The following NT5DC1 variants were observed in gnomAD, a reference collection of about 807,000 sequenced individuals.
NT5DC1 encodes the protein 5'-nucleotidase domain containing 1, also known as 5'-nucleotidase domain-containing protein 1.
NT5DC1 carries 42 observed loss-of-function variants against 59.4 expected under a neutral mutation model. The ratio of observed to expected loss-of-function variants is 0.71; its 90% confidence interval spans 0.55 to 0.92. NT5DC1 has a LOEUF of 0.92. Ranked by LOEUF, NT5DC1 falls within the 40% of genes least tolerant of loss-of-function variation. The pLI, the probability that NT5DC1 is intolerant of heterozygous loss-of-function variation, is 0.00. For missense variants in NT5DC1, 501 were observed against 537.1 expected, an observed-to-expected ratio of 0.93 and a Z score of 0.66; for synonymous variants, 172 against 188.1, an observed-to-expected ratio of 0.91 and a Z score of 0.70.
chr6:116,111,535 A>G (rs945378244), intron 4 of NT5DC1, among the ~76,000 whole-genome samples: 9 of 152,250 alleles, frequency 5.9e-5, no homozygotes, highest in Non-Finnish European at 1.0e-4. Context: ...AAATGTTTTT[A>G]TAAATAGACC....
chr6:116,145,195 TCAACAGAGGACAA>T (rs1412187523), intron 6 of NT5DC1, among the ~76,000 whole-genome samples: 1 of 152,116 alleles, frequency 6.6e-6, no homozygotes, highest in Non-Finnish European at 1.5e-5. Context: ...ACAGTTGTCC[TCAACAGAGGACAA>T]CTGATAACAG....
intron 6 of NT5DC1, among the ~76,000 whole-genome samples, chr6:116,192,294 TGAG>T (rs1781137819): frequency 6.6e-6 from 1 of 152,008 alleles, no homozygotes; most frequent in African/African-American, 2.4e-5. Context: ...TAATACATAG[TGAG>T]GAGCTCTCAA....
chr6:116,192,662 T>C (rs1426546426), intron 6 of NT5DC1, among the ~76,000 whole-genome samples: 1 of 152,096 alleles, frequency 6.6e-6, no homozygotes, highest in Non-Finnish European at 1.5e-5. Flanking sequence ...TTCAAAACTT[T>C]GTAACTGAAT....
rs1229055946 is a variant in NT5DC1, at chr6:116,108,395, G to A, written c.217G>A (p.Gly73Arg). ...CKGLALDLED[G>R]NFLKLANNGT... Reference sequence around the variant, plus strand: ...AGGTTTGGCATTGGATCTAGAAGATGGGAACTTCCTTAAACTTGCAAATAA... The same window carrying A: ...AGGTTTGGCATTGGATCTAGAAGATAGGAACTTCCTTAAACTTGCAAATAA... The change falls in exon 3 of 12, where the codon GGG becomes AGG. Residue 73 changes from glycine to arginine, a missense_variant. Physicochemically the swap from Gly to Arg is moderately radical, Grantham distance 125 (BLOSUM62 -2). Transcript: ENST00000319550. 1 of 1,610,328 alleles carries A rather than the reference G, an allele frequency of 6.2e-7. No individual in the cohort carries two copies. The highest frequency in any genetic ancestry group is 8.5e-7 in the Non-Finnish European group (1 of 1,176,754).
chr6:116,240,881 C>T (rs896406437), intron 11 of NT5DC1, among the ~76,000 whole-genome samples: 10 of 152,096 alleles, frequency 6.6e-5, no homozygotes, highest in South Asian at 2.1e-4. Context: ...TGGTGGCTCA[C>T]GCCTGTAATC....
intron 6 of NT5DC1, among the ~76,000 whole-genome samples, chr6:116,164,238 T>C (rs1033459701): frequency 6.6e-6 from 1 of 152,182 alleles, no homozygotes; most frequent in African/African-American, 2.4e-5. Context: ...TTCTTAGGTG[T>C]AGTAGTACTT....
rs150717921 is a variant in NT5DC1 at position 116,143,992 on chromosome 6, TAGAA to T, written c.529+26051_529+26054del. ...CCTTTTTATAACTTGAGAAAAAACT[TAGAA>T]AGATTAGGAGCTTTATCATTATGAT... On this transcript the variant is annotated intron_variant, in intron 6 of 11. Transcript: ENST00000319550. 3.9e-3 allele frequency among the ~76,000 whole-genome samples: 594 copies of T among 152,312 alleles called. 3 individuals carry two copies. Among genetic ancestry groups the T allele is most frequent in the Admixed American group, 6.3e-3 (97 of 15,300 alleles).
chr6:116,108,967 A>G (rs1319724419), intron 3 of NT5DC1, among the ~76,000 whole-genome samples: 1 of 152,004 alleles, frequency 6.6e-6, no homozygotes, highest in Non-Finnish European at 1.5e-5. Flanking sequence ...TCCTCCTCCC[A>G]CACTCCAGGC....
At chr6:116,159,968 GTAT>G (rs1372359248) in intron 6 of NT5DC1, among the ~76,000 whole-genome samples, 2 of 152,152 alleles carry the variant, frequency 1.3e-5, no homozygotes, top group African/African-American at 4.8e-5. Context: ...TGGCCGTGTA[GTAT>G]TCCACAGTGT....
chr6:116,220,906 A>C, intron 6 of NT5DC1, 148 bp from the exon 7 acceptor site: 1 of 510,096 alleles, frequency 2.0e-6, no homozygotes, highest in African/African-American at 1.9e-5. Context: ...AAAAGCAAGT[A>C]GTATTGGCAT....
Position 116,244,646 on chromosome 6 carries a change from A to G in NT5DC1, c.*622A>G, listed in dbSNP as rs1162815456. On this transcript the variant is annotated 3_prime_UTR_variant, in exon 12 of 12. Coordinates refer to ENST00000319550, the MANE Select transcript of NT5DC1 (RefSeq NM_152729.3). ...CAACTGATCTATACCAGTTCTTTCA[A>G]TTAATAGTCAAGAACATTGAGTCCA... is the stretch of plus-strand genomic sequence containing the variant. The G allele has an allele frequency of 1.3e-5, 2 of 152,252 alleles. No homozygotes were observed. The highest frequency in any genetic ancestry group is 2.4e-5 in the African/African-American group (1 of 41,474). 9.4% of individuals were successfully genotyped at this position (152,252 alleles called of 1,614,324 possible).
intron 6 of NT5DC1, among the ~76,000 whole-genome samples, chr6:116,157,906 A>G (rs1054538942): frequency 7.9e-5 from 12 of 152,222 alleles, no homozygotes; most frequent in Non-Finnish European, 2.9e-5. Flanking sequence ...ATTGAAGTAC[A>G]GAAATAAAAT....
At chr6:116,190,633 C>T (rs561402513) in intron 6 of NT5DC1, among the ~76,000 whole-genome samples, 27 of 152,102 alleles carry the variant, frequency 1.8e-4, no homozygotes, top group African/African-American at 6.0e-4. Context: ...TCTACTTTTA[C>T]ACAACTCTGC....
chr6:116,120,232 G>A, intron 6 of NT5DC1: 1 of 1,614,162 alleles, frequency 6.2e-7, no homozygotes, highest in Non-Finnish European at 8.5e-7. Flanking sequence ...AGCCTTTGGT[G>A]TATTCATCAT....
chr6:116,151,530 G>A (rs1330552730), intron 6 of NT5DC1, among the ~76,000 whole-genome samples: 2 of 152,030 alleles, frequency 1.3e-5, no homozygotes, highest in Non-Finnish European at 2.9e-5. Flanking sequence ...GTTTAAATTC[G>A]TTAATATAAG....
In NT5DC1 at chr6:116,101,029, T is replaced by G; in HGVS notation, c.93+6T>G. The G allele has an allele frequency of 6.3e-7, 1 of 1,580,348 alleles. No homozygotes were observed. The highest frequency in any genetic ancestry group is 8.6e-7 in the Non-Finnish European group (1 of 1,162,478). ...ACCTGCCCGAGAGCGCCCCGGTGAG[T>G]GGCGCGGGCTCCGGGGCGCACTGCG... On this transcript the variant is annotated splice_donor_region_variant and intron_variant, in intron 1 of 11. Transcript: ENST00000319550.
chr6:116,202,103 T>G (rs139018157), intron 6 of NT5DC1, among the ~76,000 whole-genome samples: 16 of 152,122 alleles, frequency 1.1e-4, no homozygotes, highest in South Asian at 1.0e-3. Context: ...AGGAACTGAC[T>G]TAAATTTTAC....
intron 6 of NT5DC1, among the ~76,000 whole-genome samples, chr6:116,187,061 T>A (rs991961695): frequency 1.3e-5 from 2 of 152,034 alleles, no homozygotes; most frequent in Non-Finnish European, 2.9e-5. Flanking sequence ...GGGTGCTCCC[T>A]TGTTGTGGTG....
At chr6:116,118,654 T>C (rs1320117650) in intron 6 of NT5DC1, among the ~76,000 whole-genome samples, 1 of 152,200 alleles carries the variant, frequency 6.6e-6, no homozygotes, top group Non-Finnish European at 1.5e-5. Flanking sequence ...ACCAAAAACA[T>C]GTCAAGACAA....
Sources: gnomAD v4.1 joint callset for allele counts (sites outside exome capture counted in the v4.1 genomes callset) on GRCh38, gnomAD v4.1.1 for gene constraint, MANE v1.5 for transcripts, NCBI Gene and HGNC (gene_info 2026-07-23, HGNC 2026-07-21) for gene names.